The following FSTL5 variants were observed in gnomAD, a reference collection of about 807,000 sequenced individuals.
FSTL5 encodes the protein follistatin-related protein 5.
In FSTL5, 62 loss-of-function variants were observed where a neutral mutation model predicts 89.1. That is an observed-to-expected ratio of 0.70 (90% confidence interval 0.57 to 0.86). FSTL5 has a LOEUF of 0.86. FSTL5 is among the 40% of genes least tolerant of loss of function. The pLI, the probability that FSTL5 is intolerant of heterozygous loss-of-function variation, is 0.00. For synonymous variants in FSTL5, 383 were observed against 346.2 expected (o/e 1.11, Z -1.18); for missense variants, 1,057 against 1,001.6 (o/e 1.06, Z -0.75).
intron 13 of FSTL5, among the ~76,000 whole-genome samples, chr4:161,479,147 A>T (rs1578865765): frequency 6.6e-6 from 1 of 152,112 alleles, no homozygotes; most frequent in African/African-American, 2.4e-5. Flanking sequence ...TTAGATACTA[A>T]GTTGAAAAAT....
At chr4:161,406,738 G>A (rs1371140597) in intron 15 of FSTL5, among the ~76,000 whole-genome samples, 1 of 152,116 alleles carries the variant, frequency 6.6e-6, no homozygotes, top group African/African-American at 2.4e-5. Context: ...TATTAGCACA[G>A]CTATACCATC....
chr4:161,423,384 C>CT (rs1167135572), intron 15 of FSTL5, among the ~76,000 whole-genome samples: 1 of 128,954 alleles, frequency 7.8e-6, no homozygotes, highest in African/African-American at 2.6e-5. Context: ...TAACAACTGA[C>CT]TGAGTCTTTA....
intron 8 of FSTL5, among the ~76,000 whole-genome samples, chr4:161,567,441 T>G (rs760357197): frequency 1.5e-4 from 23 of 152,278 alleles, no homozygotes; most frequent in Non-Finnish European, 1.9e-4. Context: ...ACTCTCTTGT[T>G]ATACAAGTGT....
At chr4:162,110,974 T>G (rs1313470007) in intron 2 of FSTL5, among the ~76,000 whole-genome samples, 1 of 151,990 alleles carries the variant, frequency 6.6e-6, no homozygotes, top group Non-Finnish European at 1.5e-5. Context: ...AATTATCTGG[T>G]AGATTGGGTT....
At chr4:161,461,288 C>CAA (rs781313697) in intron 13 of FSTL5, among the ~76,000 whole-genome samples, 769 of 72,564 alleles carry the variant, frequency 0.011, 32 homozygotes, top group African/African-American at 0.036. Context: ...ACTAAAAATA[C>CAA]AAAAAAAACA....
At chr4:161,900,927 CTTA>C (rs1378535610) in intron 4 of FSTL5, among the ~76,000 whole-genome samples, 1 of 151,788 alleles carries the variant, frequency 6.6e-6, no homozygotes, top group Admixed American at 6.6e-5. Flanking sequence ...TAACTTTTTT[CTTA>C]TTATTTTTTA....
intron 10 of FSTL5, among the ~76,000 whole-genome samples, chr4:161,532,030 C>T (rs1383673447): frequency 6.6e-6 from 1 of 151,750 alleles, no homozygotes; most frequent in Non-Finnish European, 1.5e-5. Context: ...TGGTGAAACC[C>T]CGTCTCTACT....
chr4:161,966,349 A>T (rs1055823186), intron 3 of FSTL5, among the ~76,000 whole-genome samples: 5 of 152,070 alleles, frequency 3.3e-5, no homozygotes, highest in African/African-American at 1.2e-4. Flanking sequence ...AAAAACACTA[A>T]ACGAATTACT....
chr4:161,400,242 A>C (rs1001144376), intron 15 of FSTL5, among the ~76,000 whole-genome samples: 12 of 152,082 alleles, frequency 7.9e-5, no homozygotes, highest in African/African-American at 2.9e-4. Context: ...TTACATTTGC[A>C]GTCTTTGTTC....
At chr4:161,901,316 A>T (rs1299613615) in intron 4 of FSTL5, among the ~76,000 whole-genome samples, 1 of 152,196 alleles carries the variant, frequency 6.6e-6, no homozygotes, top group Non-Finnish European at 1.5e-5. Flanking sequence ...GAGTGAAGTG[A>T]GAAGATGGAC....
At chr4:162,018,911 A>G (rs1013717693) in intron 3 of FSTL5, among the ~76,000 whole-genome samples, 4 of 152,188 alleles carry the variant, frequency 2.6e-5, no homozygotes, top group Non-Finnish European at 5.9e-5. Flanking sequence ...AAACAATATT[A>G]GATGTCTGAA....
chr4:161,674,610 C>T (rs558712487), intron 6 of FSTL5, among the ~76,000 whole-genome samples: 16 of 152,260 alleles, frequency 1.1e-4, no homozygotes, highest in African/African-American at 2.4e-4. Context: ...TGAGGCATGA[C>T]GCTGCAGTCA....
intron 8 of FSTL5, among the ~76,000 whole-genome samples, chr4:161,564,060 C>A (rs1350368646): frequency 6.6e-6 from 1 of 151,692 alleles, no homozygotes; most frequent in Non-Finnish European, 1.5e-5. Context: ...ATTGTCTAGA[C>A]ATTTTATAAA....
intron 12 of FSTL5, among the ~76,000 whole-genome samples, chr4:161,491,122 A>T (rs2126469898): frequency 6.6e-6 from 1 of 152,068 alleles, no homozygotes; most frequent in African/African-American, 2.4e-5. Flanking sequence ...CTAAAAATTT[A>T]AATAGGGTTC....
At chr4:162,081,529 G>C (rs1730097036) in intron 2 of FSTL5, among the ~76,000 whole-genome samples, 1 of 151,344 alleles carries the variant, frequency 6.6e-6, no homozygotes, top group Non-Finnish European at 1.5e-5. Context: ...CCCTCCAAAG[G>C]CCAAATAGAC....
chr4:161,409,440 G>A (rs1457604923), intron 15 of FSTL5, among the ~76,000 whole-genome samples: 1 of 151,828 alleles, frequency 6.6e-6, no homozygotes, highest in Non-Finnish European at 1.5e-5. Flanking sequence ...GGAGTCCAGT[G>A]GCGTGATCTT....
At chr4:161,520,055 T>C (rs1054719311) in intron 10 of FSTL5, among the ~76,000 whole-genome samples, 19 of 152,022 alleles carry the variant, frequency 1.2e-4, no homozygotes, top group Non-Finnish European at 2.8e-4. Flanking sequence ...AAATAAAACA[T>C]TGCAAAAAAG....
At chr4:161,930,021 T>C (rs1194905625) in intron 3 of FSTL5, among the ~76,000 whole-genome samples, 1 of 151,812 alleles carries the variant, frequency 6.6e-6, no homozygotes, top group Non-Finnish European at 1.5e-5. Flanking sequence ...GCCATATTTA[T>C]AATAGTTGCC....
intron 6 of FSTL5, among the ~76,000 whole-genome samples, chr4:161,722,020 A>G (rs988959940): frequency 6.6e-6 from 1 of 152,182 alleles, no homozygotes; most frequent in Non-Finnish European, 1.5e-5. Context: ...CTTCTTATAC[A>G]TAATATGAAT....
Sources: allele counts gnomAD v4.1 joint callset (sites outside exome capture counted in the v4.1 genomes callset), GRCh38; gene constraint gnomAD v4.1.1; transcripts MANE v1.5; gene names NCBI Gene and HGNC (gene_info 2026-07-23, HGNC 2026-07-21).